FAM20B: variants seen among roughly 807,000 people sequenced by gnomAD.
FAM20B encodes glycosaminoglycan xylosylkinase.
Under a neutral mutation model 43.8 loss-of-function variants are expected in FAM20B, and 23 were observed. The ratio of observed to expected loss-of-function variants is 0.53; its 90% confidence interval spans 0.38 to 0.74. FAM20B has a LOEUF of 0.74. Among genes scored for constraint, FAM20B ranks in the 30% least tolerant of loss-of-function variants. The pLI, the probability that FAM20B is intolerant of heterozygous loss-of-function variation, is 0.00. For missense variants in FAM20B, 440 were observed against 510.5 expected, an observed-to-expected ratio of 0.86 and a Z score of 1.33; for synonymous variants, 178 against 192.4, an observed-to-expected ratio of 0.93 and a Z score of 0.62.
In FAM20B at chr1:179,072,113, T is replaced by G. The variant is rs766512442; in HGVS notation, c.1199T>G (p.Val400Gly). The G allele has an allele frequency of 1.2e-6, 2 of 1,613,718 alleles. No homozygotes were observed. The highest frequency in any genetic ancestry group is 1.7e-6 in the Non-Finnish European group (2 of 1,179,806). ...TDQFGMDTVL[V>G]EDRMPLSHL ...CAGTTTGGGATGGACACAGTACTGG[T>G]GGAAGACAGGATGCCTCTCTCACAC... The change falls in exon 8 of 8, where the codon GTG becomes GGG. Residue 400 changes from valine (V) to glycine (G), a missense_variant. Coordinates refer to ENST00000263733, the MANE Select transcript of FAM20B (RefSeq NM_014864.4).
At position 179,071,850 on chromosome 1, in the gene FAM20B, G is replaced by C. The variant is rs1651935865; in HGVS notation, c.999-63G>C. On this transcript the variant is annotated intron_variant, in intron 7 of 7. Transcript: ENST00000263733. ...TTTTTCACTTTTGTCTGCCTAGCAG[G>C]CTTTCAACTCCGTTTGATAATGAGA... The C allele has an allele frequency of 1.8e-5, 21 of 1,144,084 alleles. No individual in the cohort carries two copies. In the South Asian group the frequency reaches 2.8e-4, roughly 15 times the overall value. The allele number at this position is 1,144,084 out of a possible 1,614,324, so 70.9% of individuals were successfully genotyped here.
intron 3 of FAM20B, among the ~76,000 whole-genome samples, chr1:179,054,263 T>G (rs1212475255): frequency 6.6e-6 from 1 of 152,124 alleles, no homozygotes; most frequent in Non-Finnish European, 1.5e-5. Context: ...AATAGTATAA[T>G]GAGCCCATAT....
intron 6 of FAM20B, among the ~76,000 whole-genome samples, chr1:179,064,720 A>G (rs1651618962): frequency 6.6e-6 from 1 of 152,228 alleles, no homozygotes; most frequent in Non-Finnish European, 1.5e-5. Context: ...CTAAGACTCT[A>G]TGAGCCTCTT....
rs1362015750 is a variant in FAM20B, at chr1:179,075,801, C to G, written c.*3657C>G. The G allele has an allele frequency of 6.6e-6, 1 of 151,940 alleles. No homozygotes were observed. The highest frequency in any genetic ancestry group is 6.6e-5 in the Admixed American group (1 of 15,238). The allele number at this position is 151,940 out of a possible 1,614,324, so 9.4% of individuals were successfully genotyped here. A position where few individuals can be genotyped will look rare whatever the true frequency, so the allele number is the denominator to read the frequency against. On this transcript the variant is annotated 3_prime_UTR_variant, in exon 8 of 8. Transcript: ENST00000263733. The stretch of plus-strand genomic sequence containing the variant: ...AAAAAAAATGCTTTTGCCTTCCCTT[C>G]CCTTCCCATCCGCCATATTTCTTCA...
chr1:179,053,729 A>G (rs991773852), intron 3 of FAM20B, among the ~76,000 whole-genome samples: 1 of 152,238 alleles, frequency 6.6e-6, no homozygotes, highest in Non-Finnish European at 1.5e-5. Context: ...GAAAAGGTTC[A>G]TGATACAATG....
intron 7 of FAM20B, among the ~76,000 whole-genome samples, chr1:179,071,008 T>C (rs930671952): frequency 6.6e-6 from 1 of 151,756 alleles, no homozygotes; most frequent in Admixed American, 6.6e-5. Flanking sequence ...TAAAATAATT[T>C]TTTCCGCCAG....
intron 2 of FAM20B, among the ~76,000 whole-genome samples, chr1:179,049,825 A>G (rs1331279288): frequency 6.6e-6 from 1 of 152,236 alleles, no homozygotes; most frequent in Non-Finnish European, 1.5e-5. Flanking sequence ...TACAGGTGTG[A>G]GCCACCGTGC....
chr1:179,037,283 A>G (rs1166101514), intron 1 of FAM20B, among the ~76,000 whole-genome samples: 1 of 152,122 alleles, frequency 6.6e-6, no homozygotes, highest in Non-Finnish European at 1.5e-5. Flanking sequence ...GTAAAGAACA[A>G]TGACAAATTG....
chr1:179,050,986 G>T (rs1180296837), intron 3 of FAM20B, among the ~76,000 whole-genome samples: 2 of 151,990 alleles, frequency 1.3e-5, no homozygotes. Context: ...GCTGGGCGTG[G>T]TGACAGGCAC....
intron 7 of FAM20B, 86 bp downstream of exon 7, chr1:179,066,945 A>C: frequency 3.2e-6 from 3 of 947,052 alleles, no homozygotes; most frequent in Admixed American, 3.6e-5. Context: ...TTGGCCCTCA[A>C]ACTTTCTGAT....
At chr1:179,036,104 T>G (rs770003013) in intron 1 of FAM20B, among the ~76,000 whole-genome samples, 7 of 152,098 alleles carry the variant, frequency 4.6e-5, no homozygotes, top group Non-Finnish European at 5.9e-5. Context: ...CACTCCAGCC[T>G]GGGTGACAGA....
chr1:179,035,103 G>A (rs771201947), intron 1 of FAM20B, among the ~76,000 whole-genome samples: 4 of 152,148 alleles, frequency 2.6e-5, no homozygotes, highest in Non-Finnish European at 4.4e-5. Flanking sequence ...CCTCTAGTAA[G>A]GTAGTAAGCG....
chr1:179,063,549 C>T (rs1206221896), intron 4 of FAM20B, among the ~76,000 whole-genome samples: 2 of 152,178 alleles, frequency 1.3e-5, no homozygotes, highest in Admixed American at 1.3e-4. Flanking sequence ...GATCACGCCA[C>T]TGCACTCCAG....
intron 7 of FAM20B, among the ~76,000 whole-genome samples, chr1:179,067,611 AT>A (rs1651746122): frequency 6.6e-6 from 1 of 152,204 alleles, no homozygotes; most frequent in African/African-American, 2.4e-5. Context: ...CTCAAAAAAA[AT>A]AAATAATAAA....
At chr1:179,019,261 G>A in the FAM20B span, among the ~76,000 whole-genome samples, 1 of 152,186 alleles carries the variant, frequency 6.6e-6, no homozygotes, top group Admixed American at 6.5e-5. Context: ...AATGGTGCCT[G>A]AACATGAGCA....
chr1:179,060,536 C>T (rs572974932), intron 4 of FAM20B, among the ~76,000 whole-genome samples: 5 of 152,232 alleles, frequency 3.3e-5, no homozygotes, highest in African/African-American at 4.8e-5. Context: ...GTGAACTGCA[C>T]ATGTGAAGGA....
intron 4 of FAM20B, among the ~76,000 whole-genome samples, chr1:179,063,043 G>C (rs1417776190): frequency 1.3e-5 from 2 of 152,202 alleles, no homozygotes; most frequent in African/African-American, 2.4e-5. Flanking sequence ...TTGGGAGGCT[G>C]AGGTGGGCGG....
intron 1 of FAM20B, among the ~76,000 whole-genome samples, chr1:179,031,474 T>A (rs1002070019): frequency 6.6e-6 from 1 of 152,222 alleles, no homozygotes; most frequent in Non-Finnish European, 1.5e-5. Context: ...TTGCAGAGAT[T>A]GATTTTTTTT....
At position 179,075,195 on chromosome 1, in the gene FAM20B, A is replaced by G. The variant is rs1415134377; in HGVS notation, c.*3051A>G. On this transcript the variant is annotated 3_prime_UTR_variant, in exon 8 of 8. Transcript: ENST00000263733. Reference sequence around the variant, plus strand: ...AGACAGAGCGAGACTCTGTCTTAAAAAAAAAAAAAGGAGGTGAATTTTTTT... The same window carrying G: ...AGACAGAGCGAGACTCTGTCTTAAAGAAAAAAAAAGGAGGTGAATTTTTTT... The G allele has an allele frequency of 6.6e-6, 1 of 152,078 alleles. No homozygotes were observed. Among genetic ancestry groups the G allele is most frequent in the Non-Finnish European group, 1.5e-5 (1 of 68,000 alleles). 9.4% of individuals were successfully genotyped at this position (152,078 alleles called of 1,614,324 possible). A position where few individuals can be genotyped will look rare whatever the true frequency, so the allele number is the denominator to read the frequency against.
Sources: allele counts gnomAD v4.1 joint callset (sites outside exome capture counted in the v4.1 genomes callset), GRCh38; gene constraint gnomAD v4.1.1; transcripts MANE v1.5; gene names NCBI Gene and HGNC (gene_info 2026-07-23, HGNC 2026-07-21).